TTC28: variants seen among roughly 807,000 people sequenced by gnomAD.
TTC28 encodes the protein tetratricopeptide repeat protein 28.
TTC28 carries 61 observed loss-of-function variants against 198.0 expected under a neutral mutation model. The observed-to-expected ratio is 0.31, with a 90% CI of 0.25 to 0.38. The LOEUF is 0.38. Among genes scored for constraint, TTC28 ranks in the 10% least tolerant of loss-of-function variants. The pLI is 1.00. For synonymous variants in TTC28, 1,171 were observed against 1,297.8 expected, an observed-to-expected ratio of 0.90 and a Z score of 2.10; for missense variants, 2,678 against 3,164.0, an observed-to-expected ratio of 0.85 and a Z score of 3.69.
intron 3 of TTC28, among the ~76,000 whole-genome samples, chr22:28,298,926 G>T (rs2145787861): frequency 6.6e-6 from 1 of 152,050 alleles, no homozygotes; most frequent in Non-Finnish European, 1.5e-5. Flanking sequence ...TTTTTCTTGT[G>T]GTCATAAATG....
At chr22:28,346,559 A>G (rs1336078218) in intron 2 of TTC28, among the ~76,000 whole-genome samples, 5 of 152,180 alleles carry the variant, frequency 3.3e-5, no homozygotes, top group Non-Finnish European at 7.3e-5. Flanking sequence ...AGCTGTCACC[A>G]CCTGTTAGGG....
intron 5 of TTC28, among the ~76,000 whole-genome samples, chr22:28,265,664 G>A (rs188297457): frequency 7.9e-5 from 12 of 152,132 alleles, no homozygotes; most frequent in African/African-American, 2.9e-4. Flanking sequence ...TTGTTTATAC[G>A]CTTAAAATTC....
At chr22:28,497,559 T>G (rs1354909518) in intron 2 of TTC28, among the ~76,000 whole-genome samples, 1 of 152,180 alleles carries the variant, frequency 6.6e-6, no homozygotes, top group Non-Finnish European at 1.5e-5. Flanking sequence ...GAGTCTCAGG[T>G]ATCTAGATTT....
At chr22:28,273,476 T>C (rs1049030977) in intron 5 of TTC28, among the ~76,000 whole-genome samples, 1 of 151,932 alleles carries the variant, frequency 6.6e-6, no homozygotes. Flanking sequence ...ATGTGATATA[T>C]AGGCTTCATA....
chr22:28,324,860 A>G (rs2045502616), intron 2 of TTC28, among the ~76,000 whole-genome samples: 1 of 152,182 alleles, frequency 6.6e-6, no homozygotes, highest in Non-Finnish European at 1.5e-5. Flanking sequence ...CACCACTCCT[A>G]TTCAACATAG....
intron 2 of TTC28, among the ~76,000 whole-genome samples, chr22:28,552,843 G>C (rs2049704701): frequency 7.1e-6 from 1 of 141,342 alleles, no homozygotes; most frequent in Non-Finnish European, 1.5e-5. Context: ...CCGAGCCAAA[G>C]CTGGACTGTA....
intron 2 of TTC28, among the ~76,000 whole-genome samples, chr22:28,537,862 G>A (rs908754451): frequency 2.0e-5 from 3 of 152,054 alleles, no homozygotes; most frequent in African/African-American, 4.8e-5. Flanking sequence ...GAAGCTGTGC[G>A]CAGTGTACAC....
intron 5 of TTC28, among the ~76,000 whole-genome samples, chr22:28,290,361 T>C (rs533516509): frequency 2.8e-4 from 43 of 152,268 alleles, no homozygotes; most frequent in Admixed American, 1.1e-3. Context: ...ATAAAACTTA[T>C]ATAAAATTGA....
At chr22:28,378,848 A>C (rs1290001413) in intron 2 of TTC28, among the ~76,000 whole-genome samples, 1 of 152,168 alleles carries the variant, frequency 6.6e-6, no homozygotes, top group African/African-American at 2.4e-5. Flanking sequence ...TCCAAAGGAG[A>C]AGAGAGACAG....
Position 27,993,326 on chromosome 22 carries a change from G to A in TTC28, c.5437C>T (p.Arg1813Trp), listed in dbSNP as rs191320855. ...AGTGTGCTGCTGCACTGCTGGAGCCGGTCGCCCGGGTCGGAGGTTGGGAAG... is the reference window on the plus strand; with the variant it reads ...AGTGTGCTGCTGCACTGCTGGAGCCAGTCGCCCGGGTCGGAGGTTGGGAAG... ...VFFPTSDPGD[R>W]LQQCSSTLQS... The change falls in exon 18 of 23, where the codon CGG becomes TGG. Residue 1813 changes from arginine to tryptophan, a missense_variant. This residue lies in a region of TTC28 where 314 missense variants were observed against 442.7 expected (regional missense o/e 0.71). Coordinates refer to ENST00000397906, the MANE Select transcript of TTC28 (RefSeq NM_001145418.2). 6,713 of 1,548,780 alleles carry A rather than the reference G, an allele frequency of 4.3e-3. 32 individuals carry two copies. Among genetic ancestry groups the A allele is most frequent in the Non-Finnish European group, 5.3e-3 (6,079 of 1,146,536 alleles).
intron 3 of TTC28, among the ~76,000 whole-genome samples, chr22:28,304,116 T>C (rs1367890416): frequency 6.6e-6 from 1 of 152,076 alleles, no homozygotes; most frequent in Admixed American, 6.5e-5. Flanking sequence ...AAACCCCGTC[T>C]CTACTAAAAA....
intron 2 of TTC28, among the ~76,000 whole-genome samples, chr22:28,320,018 T>C (rs1008809800): frequency 6.6e-5 from 10 of 152,164 alleles, no homozygotes; most frequent in African/African-American, 2.4e-4. Context: ...GGTGAGAATT[T>C]TGGCTGCTTT....
intron 6 of TTC28, among the ~76,000 whole-genome samples, chr22:28,158,192 G>A (rs1200473050): frequency 6.6e-6 from 1 of 151,862 alleles, no homozygotes; most frequent in Non-Finnish European, 1.5e-5. Flanking sequence ...AAATGCCTAG[G>A]AATTAACCAA....
chr22:28,592,707 T>C (rs1181241649), intron 2 of TTC28, among the ~76,000 whole-genome samples: 3 of 152,214 alleles, frequency 2.0e-5, no homozygotes, highest in Non-Finnish European at 1.5e-5. Context: ...TGCTTCATTC[T>C]TGTGGACACT....
intron 12 of TTC28, among the ~76,000 whole-genome samples, chr22:28,063,740 A>G (rs2146747574): frequency 1.3e-5 from 2 of 152,264 alleles, no homozygotes; most frequent in South Asian, 4.1e-4. Flanking sequence ...CACACGCATA[A>G]CACAGTCCAG....
chr22:28,225,430 C>T (rs999202658), intron 5 of TTC28, among the ~76,000 whole-genome samples: 7 of 151,218 alleles, frequency 4.6e-5, no homozygotes, highest in Admixed American at 6.6e-5. Flanking sequence ...AACAATGGTG[C>T]TTCAAATTTT....
intron 5 of TTC28, among the ~76,000 whole-genome samples, chr22:28,292,769 T>C (rs1460820346): frequency 6.6e-6 from 1 of 152,304 alleles, no homozygotes; most frequent in Admixed American, 6.5e-5. Context: ...GCATTCATCA[T>C]TTATTGCTGA....
chr22:28,276,431 G>T (rs1932436959), intron 5 of TTC28, among the ~76,000 whole-genome samples: 3 of 152,200 alleles, frequency 2.0e-5, no homozygotes, highest in Admixed American at 1.3e-4. Context: ...CCTGACTGAT[G>T]TGGATTCAGG....
intron 2 of TTC28, among the ~76,000 whole-genome samples, chr22:28,550,227 G>A (rs1186512521): frequency 6.6e-6 from 1 of 151,956 alleles, no homozygotes. Context: ...AATTTTTTAG[G>A]GACAGAGACC....
Sources: gnomAD v4.1 joint callset for allele counts (sites outside exome capture counted in the v4.1 genomes callset) on GRCh38, gnomAD v4.1.1 for gene constraint, gnomAD v4.1.1 regional missense constraint, MANE v1.5 for transcripts, NCBI Gene and HGNC (gene_info 2026-07-23, HGNC 2026-07-21) for gene names.